Variants in NUP188 observed in about 807,000 individuals in gnomAD.
NUP188 encodes nucleoporin 188, also known as nucleoporin NUP188.
NUP188 carries 97 observed loss-of-function variants against 223.0 expected under a neutral mutation model. The observed-to-expected ratio is 0.43, with a 90% confidence interval of 0.37 to 0.51. NUP188 has a LOEUF of 0.51. Ranked by LOEUF, NUP188 falls within the 20% of genes least tolerant of loss-of-function variation. The pLI is 0.00. For synonymous variants in NUP188, 869 were observed against 828.0 expected (o/e 1.05, Z -0.85); for missense variants, 1,947 against 2,175.6 (o/e 0.89, Z 2.09).
chr9:128,995,198 C>T (rs1842501277), intron 29 of NUP188, 121 bp from the exon 30 acceptor site: 1 of 753,722 alleles, frequency 1.3e-6, no homozygotes, highest in Non-Finnish European at 2.2e-6. Flanking sequence ...TGGAGGTGTC[C>T]TGGAGCCGTC....
intron 8 of NUP188, 139 bp downstream of exon 8, chr9:128,959,273 A>C: frequency 3.6e-6 from 2 of 553,866 alleles, no homozygotes; most frequent in Non-Finnish European, 5.6e-6. Context: ...CTCCTACCTC[A>C]GTGGATTACA....
At chr9:128,995,057 T>C in intron 29 of NUP188, 134 bp downstream of exon 29, 1 of 716,154 alleles carries the variant, frequency 1.4e-6, no homozygotes, top group Non-Finnish European at 2.5e-6. Flanking sequence ...GGAAGGCCAG[T>C]GAGCTGTGTT....
chr9:128,980,719 C>G lies in NUP188; in HGVS notation c.1383C>G (p.Ala461=), dbSNP rs771460157. 2 of 1,612,292 alleles carry G rather than the reference C, an allele frequency of 1.2e-6. No individual in the cohort carries two copies. The highest frequency in any genetic ancestry group is 1.7e-6 in the Non-Finnish European group (2 of 1,179,518). ...LRALVSGKST[A]KKVYSFLDKM... ...CCCTGGTATCAGGGAAGTCCACAGC[C>G]AAAAAGGTAAGTTGCTTAGTCAGAT... The change falls in exon 14 of 44, where the codon GCC becomes GCG. Residue 461 remains alanine, a synonymous_variant. Coordinates refer to ENST00000372577, the MANE Select transcript of NUP188 (RefSeq NM_015354.3).
chr9:128,993,467 CAAG>C (rs1393881410), intron 26 of NUP188, 55 bp from the exon 27 acceptor site: 1 of 1,611,224 alleles, frequency 6.2e-7, no homozygotes, highest in Non-Finnish European at 8.5e-7. Flanking sequence ...CTGGGCTCTG[CAAG>C]TACAGCTGCT....
chr9:129,006,313 C>T lies in NUP188; in HGVS notation c.5018C>T (p.Pro1673Leu), dbSNP rs568477773. 3.7e-5 allele frequency: 60 copies of T among 1,614,194 alleles called. No homozygotes were observed. The East Asian group carries it at 8.0e-4, about 22-fold the overall frequency. ...CAGGCGATGCGGTACCTTAGGGACC[C>T]GGCTGTGCACCCCCGGGACAAACAG... ...ISQAMRYLRDPAVHPRDKQRM... is the reference protein window; with the variant it reads ...ISQAMRYLRDLAVHPRDKQRM... The change falls in exon 43 of 44, where the codon CCG becomes CTG. Residue 1673 changes from proline to leucine, a missense_variant. Pro to Leu is a moderately conservative substitution (Grantham distance 98, BLOSUM62 -3). Coordinates refer to ENST00000372577, the MANE Select transcript of NUP188 (RefSeq NM_015354.3).
chr9:128,989,088 C>T (rs1331666363), intron 24 of NUP188, among the ~76,000 whole-genome samples: 1 of 151,672 alleles, frequency 6.6e-6, no homozygotes, highest in Non-Finnish European at 1.5e-5. Flanking sequence ...CCTGTAGTAT[C>T]TTCCTAATAA....
intron 16 of NUP188, 66 bp from the exon 17 acceptor site, chr9:128,982,836 C>T: frequency 4.4e-6 from 7 of 1,603,630 alleles, no homozygotes; most frequent in Non-Finnish European, 5.1e-6. Context: ...ATCTGGGTCT[C>T]AGAGACTGTT....
chr9:129,001,946 G>C lies in NUP188; in HGVS notation c.4107G>C (p.Val1369=). 1 of 1,614,192 alleles carries C rather than the reference G, an allele frequency of 6.2e-7. No individual in the cohort carries two copies. The highest frequency in any genetic ancestry group is 8.5e-7 in the Non-Finnish European group (1 of 1,180,028). ...GCATTTGTTTGCCCCTTCTGAGTGT[G>C]TACCAGCTGAGCACCAACGGCACAG... is the stretch of plus-strand genomic sequence containing the variant. ...TQSICLPLLS[V]YQLSTNGTAQ... Residue 1369 remains valine, a synonymous_variant, in exon 36 of 44, where the codon GTG becomes GTC. Transcript: ENST00000372577.
chr9:128,986,815 T>C lies in NUP188; in HGVS notation c.2204T>C (p.Leu735Pro). 6.2e-7 allele frequency: 1 copy of C among 1,614,060 alleles called. No homozygotes were observed. Among genetic ancestry groups the C allele is most frequent in the Non-Finnish European group, 8.5e-7 (1 of 1,179,962 alleles). The change falls in exon 22 of 44, where the codon CTG becomes CCG. Residue 735 changes from leucine (L) to proline (P), a missense_variant. This residue lies in a region of NUP188 where 225 missense variants were observed against 319.1 expected (regional missense o/e 0.71). Transcript: ENST00000372577. ...SHGVREQIGC[L>P]ILELIHAILN... ...TGTCTTTTCTGGAGTCCAGGTTGCC[T>C]GATCTTGGAGCTGATTCATGCGATA...
chr9:128,963,661 G>GT (rs934511420), intron 8 of NUP188, among the ~76,000 whole-genome samples: 3 of 151,910 alleles, frequency 2.0e-5, no homozygotes, highest in Non-Finnish European at 4.4e-5. Flanking sequence ...TAAGTATATA[G>GT]TAATATCTCA....
chr9:128,993,100 C>A, intron 25 of NUP188, 97 bp from the exon 26 acceptor site: 1 of 1,034,114 alleles, frequency 9.7e-7, no homozygotes, highest in Non-Finnish European at 1.5e-6. Context: ...TCCCTTTCTG[C>A]CAATTTTCTG....
intron 8 of NUP188, among the ~76,000 whole-genome samples, chr9:128,966,321 C>A (rs1217750417): frequency 6.6e-6 from 1 of 151,490 alleles, no homozygotes; most frequent in Non-Finnish European, 1.5e-5. Flanking sequence ...GTCTCACTGT[C>A]ACGCAGAGTG....
Position 129,006,943 on chromosome 9 carries a change from A to C in NUP188, c.*265A>C. 1 of 389,198 alleles carries C rather than the reference A, an allele frequency of 2.6e-6. No individual in the cohort carries two copies. Among genetic ancestry groups the C allele is most frequent in the Non-Finnish European group, 4.6e-6 (1 of 217,402 alleles). 24.1% of individuals were successfully genotyped at this position (389,198 alleles called of 1,614,324 possible). ...CCTAGAGGAACTTTCCTTCCTTTCC[A>C]GCATTCCCCACAGCACTGCCGGCCA... On this transcript the variant is annotated 3_prime_UTR_variant, in exon 44 of 44. Coordinates refer to ENST00000372577, the MANE Select transcript of NUP188 (RefSeq NM_015354.3).
chr9:128,982,964 A>G lies in NUP188; in HGVS notation c.1732A>G (p.Thr578Ala). ...IIDLVHKVISTDLSIADCLLP... is the reference protein window; with the variant it reads ...IIDLVHKVISADLSIADCLLP... ...TGATCTCGTCCATAAGGTCATCAGT[A>G]CAGACCTGTCGATAGCAGACTGTCT... is the stretch of plus-strand genomic sequence containing the variant. The change falls in exon 17 of 44, where the codon ACA (threonine) becomes GCA (alanine). Residue 578 changes from threonine (T) to alanine (A), a missense_variant. Physicochemically the swap from Thr to Ala is moderately conservative, Grantham distance 58 (BLOSUM62 0). Transcript: ENST00000372577. 5 of 1,614,120 alleles carry G rather than the reference A, an allele frequency of 3.1e-6. No individual in the cohort carries two copies. Among genetic ancestry groups the G allele is most frequent in the Non-Finnish European group, 4.2e-6 (5 of 1,180,000 alleles).
At chr9:129,001,013 G>A in intron 34 of NUP188, among the ~76,000 whole-genome samples, 1 of 152,148 alleles carries the variant, frequency 6.6e-6, no homozygotes, top group East Asian at 1.9e-4. Context: ...CTCCAGCCTG[G>A]GGGACAGAGC....
At chr9:128,959,228 T>C in intron 8 of NUP188, 94 bp downstream of exon 8, 1 of 919,456 alleles carries the variant, frequency 1.1e-6, no homozygotes, top group Non-Finnish European at 1.5e-6. Flanking sequence ...TGATCTCGGC[T>C]CACTGCAACC....
Position 129,005,721 on chromosome 9 carries a change from C to T in NUP188, c.4814C>T (p.Pro1605Leu), listed in dbSNP as rs982897961. The stretch of plus-strand genomic sequence containing the variant: ...CCCACCTTTGACTCCGAAGTGGCCC[C>T]CTCCTTCGGGACCCTTCTGGCCACA... ...TTPTFDSEVAPSFGTLLATVN... is the reference protein window; with the variant it reads ...TTPTFDSEVALSFGTLLATVN... The change falls in exon 41 of 44, where the codon CCC becomes CTC. Residue 1605 changes from proline (P) to leucine (L), a missense_variant. Pro to Leu is a moderately conservative substitution (Grantham distance 98). Around this residue, in one of 3 missense-constraint regions of NUP188, gnomAD observed 905 missense variants for 990.6 expected, o/e 0.91. Coordinates refer to ENST00000372577, the MANE Select transcript of NUP188 (RefSeq NM_015354.3). 6.2e-7 allele frequency: 1 copy of T among 1,614,144 alleles called. No homozygotes were observed. The highest frequency in any genetic ancestry group is 8.5e-7 in the Non-Finnish European group (1 of 1,179,998).
At chr9:128,961,450 T>G (rs953962841) in intron 8 of NUP188, among the ~76,000 whole-genome samples, 2 of 151,850 alleles carry the variant, frequency 1.3e-5, no homozygotes, top group Non-Finnish European at 2.9e-5. Flanking sequence ...TGGTGGAGGT[T>G]GCAGTGAGCC....
At chr9:128,962,350 G>A (rs748036991) in intron 8 of NUP188, among the ~76,000 whole-genome samples, 4 of 150,056 alleles carry the variant, frequency 2.7e-5, no homozygotes, top group Admixed American at 6.8e-5. Flanking sequence ...TCGGGTTCAC[G>A]CCGTTCTCCT....
Sources: gnomAD v4.1 joint callset for allele counts (sites outside exome capture counted in the v4.1 genomes callset) on GRCh38, gnomAD v4.1.1 for gene constraint, gnomAD v4.1.1 regional missense constraint, MANE v1.5 for transcripts, NCBI Gene and HGNC (gene_info 2026-07-23, HGNC 2026-07-21) for gene names.